The following DGKH variants were observed in gnomAD, a reference collection of about 807,000 sequenced individuals.
DGKH encodes DAG kinase eta.
In DGKH, 90 loss-of-function variants were observed where a neutral mutation model predicts 159.3. The observed-to-expected ratio is 0.57, with a 90% CI of 0.48 to 0.67. DGKH has a LOEUF of 0.67. DGKH is among the 30% of genes least tolerant of loss of function. The pLI is 0.00. For missense variants in DGKH, 1,181 were observed against 1,506.1 expected, an observed-to-expected ratio of 0.78 and a Z score of 3.57; for synonymous variants, 536 against 553.8, an observed-to-expected ratio of 0.97 and a Z score of 0.45.
In DGKH at chr13:42,173,290, G is replaced by A. The variant is rs149522432; in HGVS notation, c.1368-770G>A. ...CTGGCCTTTATTTCATATTTTGTTA[G>A]TCTACAATAATGTCCTGGCCCAACT... On this transcript the variant is annotated intron_variant, in intron 11 of 29. Transcript: ENST00000337343. 7.7e-3 allele frequency among the ~76,000 whole-genome samples: 1,178 copies of A among 152,262 alleles called. 10 individuals are homozygous for A. The highest frequency in any genetic ancestry group is 0.026 in the African/African-American group (1,087 of 41,544).
intron 23 of DGKH, among the ~76,000 whole-genome samples, chr13:42,210,142 A>G (rs1441069473): frequency 2.6e-5 from 4 of 151,840 alleles, no homozygotes. Context: ...AATTGAAGCA[A>G]TAGTAAAGAT....
intron 1 of DGKH, among the ~76,000 whole-genome samples, chr13:42,068,657 T>C (rs1206028743): frequency 6.6e-6 from 1 of 152,232 alleles, no homozygotes; most frequent in Admixed American, 6.5e-5. Flanking sequence ...ATCATTGTTC[T>C]ATGAGAGGAT....
intron 11 of DGKH, 112 bp downstream of exon 11, chr13:42,168,930 C>T (rs965291342): frequency 1.7e-5 from 21 of 1,223,516 alleles, no homozygotes; most frequent in East Asian, 2.6e-5. Flanking sequence ...AGAAGCTCCA[C>T]GAAGGCAGAG....
intron 26 of DGKH, 119 bp from the exon 27 acceptor site, chr13:42,219,111 A>T (rs1957894070): frequency 7.1e-6 from 9 of 1,260,900 alleles, no homozygotes; most frequent in Non-Finnish European, 9.5e-6. Context: ...TCCTTAATTT[A>T]AAAAATACTA....
At chr13:42,107,207 G>A (rs1211072728) in intron 1 of DGKH, among the ~76,000 whole-genome samples, 1 of 152,224 alleles carries the variant, frequency 6.6e-6, no homozygotes, top group Admixed American at 6.5e-5. Context: ...AGCATTTAAG[G>A]GTGAGTCACG....
At chr13:42,228,592 AAG>A (rs760320451) in intron 29 of DGKH, among the ~76,000 whole-genome samples, 5 of 151,668 alleles carry the variant, frequency 3.3e-5, no homozygotes, top group Admixed American at 6.6e-5. Flanking sequence ...GAGATCCCAA[AAG>A]AGCCTTTGAG....
upstream of DGKH, among the ~76,000 whole-genome samples, chr13:42,046,054 C>G (rs972714628): frequency 6.6e-6 from 1 of 152,132 alleles, no homozygotes; most frequent in Non-Finnish European, 1.5e-5. Context: ...CCATTTCACC[C>G]TAAATGCAGT....
At position 42,199,917 on chromosome 13, in the gene DGKH, C is replaced by A; in HGVS notation, c.2493+8C>A. The stretch of plus-strand genomic sequence containing the variant: ...CAAAGGGTTCAACTTGAGGTAAGTT[C>A]ATCTTAAAGTAAAGATATTTCATAT... On this transcript the variant is annotated splice_region_variant and intron_variant, in intron 20 of 29. Coordinates refer to ENST00000337343, the MANE Select transcript of DGKH (RefSeq NM_178009.5). 2.5e-6 allele frequency: 4 copies of A among 1,590,400 alleles called. No individual in the cohort carries two copies. The highest frequency in any genetic ancestry group is 1.4e-5 in the African/African-American group (1 of 73,810).
chr13:42,115,072 T>C lies in DGKH; in HGVS notation c.193-12391T>C, dbSNP rs552294015. On this transcript the variant is annotated intron_variant, in intron 1 of 29. Coordinates refer to ENST00000337343, the MANE Select transcript of DGKH (RefSeq NM_178009.5). ...TTAGGTTCATAGATATGATTACTTA[T>C]GTGAAGTCACAGAGCTAGTAAATGG... Among the ~76,000 whole-genome samples, 12 of 152,370 alleles carry C rather than the reference T, an allele frequency of 7.9e-5. No individual in the cohort carries two copies. In the South Asian group the frequency reaches 2.3e-3, roughly 29 times the overall value.
intron 29 of DGKH, among the ~76,000 whole-genome samples, chr13:42,227,623 A>G (rs571569812): frequency 6.6e-6 from 1 of 152,328 alleles, no homozygotes; most frequent in South Asian, 2.1e-4. Context: ...CAGGAAATGT[A>G]TAGTTGCCTT....
intron 1 of DGKH, among the ~76,000 whole-genome samples, chr13:42,105,852 G>T (rs912371916): frequency 7.2e-5 from 11 of 152,134 alleles, no homozygotes. Flanking sequence ...TTTGTTTACT[G>T]CTATATCTCC....
At chr13:42,207,029 C>CTTTCTTTCTTTTTT (rs1566191812) in intron 21 of DGKH, among the ~76,000 whole-genome samples, 1 of 92,016 alleles carries the variant, frequency 1.1e-5, no homozygotes, top group Non-Finnish European at 2.2e-5. Context: ...CTTTCTTTTT[C>CTTTCTTTCTTTTTT]TTTCTTTCTT....
intron 1 of DGKH, among the ~76,000 whole-genome samples, chr13:42,095,588 C>T (rs1954513899): frequency 6.6e-6 from 1 of 151,954 alleles, no homozygotes; most frequent in Non-Finnish European, 1.5e-5. Flanking sequence ...ATTTTTTGTT[C>T]CTCCCAATTT....
intron 1 of DGKH, among the ~76,000 whole-genome samples, chr13:42,126,283 A>T (rs1455030968): frequency 1.3e-5 from 2 of 152,306 alleles, no homozygotes; most frequent in Admixed American, 1.3e-4. Context: ...TAAGATCAGG[A>T]TGGGGGAAAA....
chr13:42,188,979 G>T (rs1956996001), intron 14 of DGKH, 57 bp from the exon 15 acceptor site: 1 of 1,559,594 alleles, frequency 6.4e-7, no homozygotes, highest in Admixed American at 1.9e-5. Flanking sequence ...CTTGTACTTT[G>T]TCTGCTGATC....
Position 42,187,065 on chromosome 13 carries a change from G to A in DGKH, c.1555G>A (p.Val519Ile), listed in dbSNP as rs151042099. The A allele has an allele frequency of 3.0e-4, 480 of 1,613,940 alleles. 1 individual carries two copies. Among genetic ancestry groups the A allele is most frequent in the Non-Finnish European group, 3.9e-4 (464 of 1,179,942 alleles). Residue 519 changes from valine to isoleucine, a missense_variant, in exon 14 of 30, where the codon GTA (valine) becomes ATA (isoleucine). Physicochemically the swap from Val to Ile is conservative, Grantham distance 29. Transcript: ENST00000337343. ...TCCTCAAAGGACGCTATGTGAAACTGTAAAGGACTTCGTTGCCAAAGTAGA... is the reference window on the plus strand; with the variant it reads ...TCCTCAAAGGACGCTATGTGAAACTATAAAGGACTTCGTTGCCAAAGTAGA... ...ISSAKTLCET[V>I]KDFVAKVEKT...
intron 29 of DGKH, among the ~76,000 whole-genome samples, chr13:42,227,243 A>G (rs902873857): frequency 6.6e-6 from 1 of 152,202 alleles, no homozygotes; most frequent in Non-Finnish European, 1.5e-5. Context: ...CATCCTGCAC[A>G]TGTATCCTGG....
At position 42,190,458 on chromosome 13, in the gene DGKH, T is replaced by C. The variant is rs762188774; in HGVS notation, c.1968T>C (p.Tyr656=). Residue 656 remains tyrosine (Y), a synonymous_variant, in exon 16 of 30, where the codon TAT becomes TAC. Transcript: ENST00000337343. The stretch of plus-strand genomic sequence containing the variant: ...AACCAGCTAATCAGTCCTCTGATTA[T>C]GACAGCACAGAAACAGATGAATCTA... ...PCEPANQSSD[Y]DSTETDESKE... 9.3e-6 allele frequency: 15 copies of C among 1,612,160 alleles called. No individual in the cohort carries two copies. The East Asian group carries it at 2.9e-4, about 31-fold the overall frequency.
chr13:42,140,933 T>C (rs550472828), intron 3 of DGKH: 1 of 150,898 alleles, frequency 6.6e-6, no homozygotes, highest in Admixed American at 6.6e-5. Flanking sequence ...TATTTTTTTA[T>C]TTTTATTTTT....
Sources: gnomAD v4.1 joint callset for allele counts (sites outside exome capture counted in the v4.1 genomes callset) on GRCh38, gnomAD v4.1.1 for gene constraint, MANE v1.5 for transcripts, NCBI Gene and HGNC (gene_info 2026-07-23, HGNC 2026-07-21) for gene names.